TCF4: variants seen among roughly 807,000 people sequenced by gnomAD.
TCF4 encodes transcription factor 4, also known as SL3-3 enhancer factor 2.
In TCF4, 3 loss-of-function variants were observed where a neutral mutation model predicts 82.1. The observed-to-expected ratio is 0.04, with a 90% CI of 0.02 to 0.09. The LOEUF is 0.09. Ranked by LOEUF, TCF4 falls within the 10% of genes least tolerant of loss-of-function variation. The probability of loss-of-function intolerance (pLI) is 1.00; values close to 1 mark genes in which losing one functional copy is unlikely to be tolerated. For synonymous variants in TCF4, 276 were observed against 309.6 expected, an observed-to-expected ratio of 0.89 and a Z score of 1.14; for missense variants, 518 against 852.7, an observed-to-expected ratio of 0.61 and a Z score of 4.89.
chr18:55,635,570 G>A (rs1216581020), intron 1 of TCF4: 1 of 1,150,392 alleles, frequency 8.7e-7, no homozygotes, highest in African/African-American at 1.6e-5. Flanking sequence ...CAGGCCAAGT[G>A]CTGTGGAGAT....
intron 5 of TCF4, among the ~76,000 whole-genome samples, chr18:55,425,961 T>C (rs1031143974): frequency 3.3e-5 from 5 of 152,256 alleles, no homozygotes; most frequent in Middle Eastern, 6.8e-3. Flanking sequence ...TGCTCTACTT[T>C]ATTCTTGGAG....
intron 8 of TCF4, among the ~76,000 whole-genome samples, chr18:55,291,037 T>A (rs533459619): frequency 1.3e-5 from 2 of 152,328 alleles, no homozygotes; most frequent in South Asian, 4.1e-4. Context: ...TTATCTTCTT[T>A]AATCATCATT....
chr18:55,298,101 A>G (rs1012454856), intron 8 of TCF4, among the ~76,000 whole-genome samples: 1 of 152,180 alleles, frequency 6.6e-6, no homozygotes, highest in Non-Finnish European at 1.5e-5. Context: ...CTGCAAACCA[A>G]ATTGATGTTG....
chr18:55,240,144 G>C (rs2050766211), intron 15 of TCF4, among the ~76,000 whole-genome samples: 1 of 152,074 alleles, frequency 6.6e-6, no homozygotes, highest in Admixed American at 6.5e-5. Flanking sequence ...TAAACATTTT[G>C]GTACATCAAA....
At chr18:55,439,285 T>C (rs1358738861) in intron 5 of TCF4, among the ~76,000 whole-genome samples, 2 of 152,036 alleles carry the variant, frequency 1.3e-5, no homozygotes, top group South Asian at 2.1e-4. Context: ...GATCCACATC[T>C]GAGGATAAGG....
chr18:55,289,785 CA>C (rs1045477289), intron 8 of TCF4, among the ~76,000 whole-genome samples: 5 of 151,802 alleles, frequency 3.3e-5, no homozygotes, highest in African/African-American at 4.8e-5. Context: ...AGGTTTACTC[CA>C]ATGTTGATTG....
At position 55,350,375 on chromosome 18, in the gene TCF4, G is replaced by T; in HGVS notation, c.533C>A (p.Pro178Gln). 6.2e-7 allele frequency: 1 copy of T among 1,613,592 alleles called. No homozygotes were observed. Among genetic ancestry groups the T allele is most frequent in the Admixed American group, 1.7e-5 (1 of 59,986 alleles). ...AGTACTTACTGAAGATGGCAAACCT[G>T]GAGGAACTTTTCGAACTTTCTTTGT... ...VQTKKVRKVP[P>Q]GLPSSVYAPS... is the part of the protein sequence containing the mutation. The change falls in exon 8 of 20, where the codon CCA becomes CAA. Residue 178 changes from proline to glutamine, a missense_variant. Pro to Gln is a moderately conservative substitution (Grantham distance 76). Coordinates refer to ENST00000354452, the MANE Select transcript of TCF4 (RefSeq NM_001083962.2).
chr18:55,257,212 G>C, intron 14 of TCF4, 103 bp downstream of exon 14: 1 of 1,231,964 alleles, frequency 8.1e-7, no homozygotes, highest in East Asian at 2.4e-5. Context: ...CTGACTTAAA[G>C]TTACTAACAG....
At position 55,308,920 on chromosome 18, in the gene TCF4, C is replaced by T. The variant is rs933304129; in HGVS notation, c.550-29264G>A. ...TTTAATCCCTCAATGCTTCCATTTCCCAGGCCAGCACCTCCCCATGGAACT... is the reference window on the plus strand; with the variant it reads ...TTTAATCCCTCAATGCTTCCATTTCTCAGGCCAGCACCTCCCCATGGAACT... On this transcript the variant is annotated intron_variant, in intron 8 of 19. Coordinates refer to ENST00000354452, the MANE Select transcript of TCF4 (RefSeq NM_001083962.2). Among the ~76,000 whole-genome samples the T allele has an allele frequency of 2.0e-5, 3 of 152,172 alleles. No individual in the cohort carries two copies. In the East Asian group the frequency reaches 5.8e-4, roughly 29 times the overall value.
intron 3 of TCF4, among the ~76,000 whole-genome samples, chr18:55,491,727 T>G (rs1452557671): frequency 6.6e-6 from 1 of 152,210 alleles, no homozygotes; most frequent in African/African-American, 2.4e-5. Flanking sequence ...GTTTACACCT[T>G]GATGTTAAAG....
intron 8 of TCF4, among the ~76,000 whole-genome samples, chr18:55,323,296 C>G (rs1054827864): frequency 6.6e-6 from 1 of 152,170 alleles, no homozygotes; most frequent in African/African-American, 2.4e-5. Flanking sequence ...GAGCATACAT[C>G]TATTCTCAAG....
chr18:55,475,779 A>G (rs1341684406), intron 3 of TCF4, among the ~76,000 whole-genome samples: 1 of 152,208 alleles, frequency 6.6e-6, no homozygotes, highest in Non-Finnish European at 1.5e-5. Flanking sequence ...TGAATTGGTA[A>G]GAAATATTCT....
At chr18:55,442,842 C>T (rs916777905) in intron 5 of TCF4, among the ~76,000 whole-genome samples, 1 of 152,170 alleles carries the variant, frequency 6.6e-6, no homozygotes, top group African/African-American at 2.4e-5. Flanking sequence ...TATCACAGTA[C>T]AGAATGAACA....
At chr18:55,364,091 T>C (rs951455826) in intron 6 of TCF4, among the ~76,000 whole-genome samples, 1 of 152,158 alleles carries the variant, frequency 6.6e-6, no homozygotes, top group Admixed American at 6.5e-5. Flanking sequence ...CTTTCATATA[T>C]AGCTAATGGG....
intron 3 of TCF4, among the ~76,000 whole-genome samples, chr18:55,529,408 C>T (rs1184113986): frequency 6.6e-6 from 1 of 152,114 alleles, no homozygotes; most frequent in Non-Finnish European, 1.5e-5. Flanking sequence ...TAGTGTGAAT[C>T]ATTTCAATCT....
In TCF4 at chr18:55,442,463, CTTTAT is replaced by C. The variant is rs534810016; in HGVS notation, c.304+18551_304+18555del. ...CCATCCATGTAAATGAAAAATATAACTTTATTTTATTTTCAAAAAGGGTGACAGAG... is the reference window on the plus strand; with the variant it reads ...CCATCCATGTAAATGAAAAATATAACTTTATTTTCAAAAAGGGTGACAGAG... On this transcript the variant is annotated intron_variant, in intron 5 of 19. Transcript: ENST00000354452. Among the ~76,000 whole-genome samples, 558 of 152,218 alleles carry C rather than the reference CTTTAT, an allele frequency of 3.7e-3. 2 individuals are homozygous for C. The highest frequency in any genetic ancestry group is 0.017 in the Middle Eastern group (5 of 294).
intron 3 of TCF4, among the ~76,000 whole-genome samples, chr18:55,532,239 G>T (rs2097071828): frequency 6.6e-6 from 1 of 152,178 alleles, no homozygotes; most frequent in Middle Eastern, 3.2e-3. Context: ...CAGTTCTGGT[G>T]ATATGATTAA....
intron 6 of TCF4, among the ~76,000 whole-genome samples, chr18:55,374,268 A>T (rs1054853067): frequency 1.3e-5 from 2 of 152,032 alleles, no homozygotes; most frequent in Admixed American, 1.3e-4. Flanking sequence ...TTTAAATATG[A>T]TGAATTAATA....
intron 6 of TCF4, among the ~76,000 whole-genome samples, chr18:55,396,157 T>C (rs1176660236): frequency 6.6e-6 from 1 of 152,168 alleles, no homozygotes; most frequent in Admixed American, 6.6e-5. Context: ...AACTCCTTCA[T>C]GGGCTTAAGT....
Sources: gnomAD v4.1 joint callset for allele counts (sites outside exome capture counted in the v4.1 genomes callset) on GRCh38, gnomAD v4.1.1 for gene constraint, MANE v1.5 for transcripts, NCBI Gene and HGNC (gene_info 2026-07-23, HGNC 2026-07-21) for gene names.